Variants in SETD2 observed in about 807,000 individuals in gnomAD.
The protein encoded by SETD2 is SET domain containing 2, histone lysine methyltransferase, also known as histone-lysine N-methyltransferase SETD2.
Under a neutral mutation model 242.1 loss-of-function variants are expected in SETD2, and 31 were observed. The ratio of observed to expected loss-of-function variants is 0.13; its 90% CI spans 0.10 to 0.17. The LOEUF is 0.17. Among genes scored for constraint, SETD2 ranks in the 10% least tolerant of loss-of-function variants. The probability of loss-of-function intolerance (pLI) is 1.00; values close to 1 mark genes in which losing one functional copy is unlikely to be tolerated. For synonymous variants in SETD2, 1,006 were observed against 1,066.5 expected, an observed-to-expected ratio of 0.94 and a Z score of 1.11; for missense variants, 2,481 against 3,046.3, an observed-to-expected ratio of 0.81 and a Z score of 4.37.
intron 8 of SETD2, 37 bp from the exon 9 acceptor site, chr3:47,098,118 G>A (rs2107675150): frequency 6.2e-7 from 1 of 1,610,098 alleles, no homozygotes; most frequent in Non-Finnish European, 8.5e-7. Context: ...CAGCTATGTG[G>A]AAGTAAACCA....
Position 47,113,809 on chromosome 3 carries a change from A to C in SETD2, c.4715+67T>G, listed in dbSNP as rs2107717775. ...AGCCAAGATCGTGCCACTGCACTCC[A>C]GTCTGGGTGAAAGAGTGAGACCTTG... On this transcript the variant is annotated intron_variant, in intron 5 of 20. Coordinates refer to ENST00000409792, the MANE Select transcript of SETD2 (RefSeq NM_014159.7). 2.0e-6 allele frequency: 3 copies of C among 1,522,734 alleles called. No individual in the cohort carries two copies. In the South Asian group the frequency reaches 3.7e-5, roughly 19 times the overall value. The allele number at this position is 1,522,734 out of a possible 1,614,324, so 94.3% of individuals were successfully genotyped here. A position where few individuals can be genotyped will look rare whatever the true frequency, so the allele number is the denominator to read the frequency against.
Position 47,122,754 on chromosome 3 carries a change from T to C in SETD2, c.1882A>G (p.Lys628Glu). ...SNRLNDSPTLKKLDELPIFKS... is the reference protein window; with the variant it reads ...SNRLNDSPTLEKLDELPIFKS... ...AAAATAGGCAATTCATCTAGCTTTT[T>C]TAAAGTAGGTGAATCATTTAATCGA... is the stretch of plus-strand genomic sequence containing the variant. The change falls in exon 3 of 21, where the codon AAA (lysine) becomes GAA (glutamate). Residue 628 changes from lysine (K) to glutamate (E), a missense_variant. This residue lies in a region of SETD2 where 1,300 missense variants were observed against 1,259.2 expected (regional missense o/e 1.03). Coordinates refer to ENST00000409792, the MANE Select transcript of SETD2 (RefSeq NM_014159.7). 6.2e-7 allele frequency: 1 copy of C among 1,610,738 alleles called. No homozygotes were observed. The highest frequency in any genetic ancestry group is 8.5e-7 in the Non-Finnish European group (1 of 1,178,948).
intron 18 of SETD2, among the ~76,000 whole-genome samples, chr3:47,024,631 G>A (rs982210877): frequency 2.6e-5 from 4 of 152,188 alleles, no homozygotes; most frequent in Non-Finnish European, 5.9e-5. Flanking sequence ...CAGCCTGGGC[G>A]ACAGAGCAAG....
At chr3:47,059,493 C>T (rs1168824287) in intron 14 of SETD2, among the ~76,000 whole-genome samples, 1 of 150,948 alleles carries the variant, frequency 6.6e-6, no homozygotes, top group Admixed American at 6.6e-5. Context: ...AATCTCAGCT[C>T]ACTGCAACCT....
At chr3:47,042,496 T>C (rs1320899458) in intron 17 of SETD2, 65 bp downstream of exon 17, 2 of 1,558,116 alleles carry the variant, frequency 1.3e-6, no homozygotes, top group South Asian at 1.1e-5. Flanking sequence ...AAAACTCCCC[T>C]TATAGTGGCA....
chr3:47,158,256 AT>A (rs2044170574), intron 1 of SETD2, among the ~76,000 whole-genome samples: 1 of 152,232 alleles, frequency 6.6e-6, no homozygotes, highest in Non-Finnish European at 1.5e-5. Flanking sequence ...AATCTAGTGG[AT>A]TTTGATATAA....
Position 47,017,045 on chromosome 3 carries a change from T to TAG in SETD2, c.*46_*47dup. On this transcript the variant is annotated 3_prime_UTR_variant, in exon 21 of 21. Coordinates refer to ENST00000409792, the MANE Select transcript of SETD2 (RefSeq NM_014159.7). The surrounding 1 kb of genome is among the most constrained non-coding windows in gnomAD (Gnocchi z 4.8). ...AAAGGCCCACAGGATTTCCTCTCCC[T>TAG]AGAGTCTGTCTTACCTGACCACCCA... The TAG allele has an allele frequency of 6.3e-7, 1 of 1,585,808 alleles. No individual in the cohort carries two copies. The highest frequency in any genetic ancestry group is 1.7e-5 in the Admixed American group (1 of 59,750).
chr3:47,156,089 C>T (rs1406060041), intron 1 of SETD2, among the ~76,000 whole-genome samples: 1 of 152,118 alleles, frequency 6.6e-6, no homozygotes, highest in African/African-American at 2.4e-5. Context: ...TTCAGAGAGG[C>T]TCCAGCAGAG....
intron 14 of SETD2, among the ~76,000 whole-genome samples, chr3:47,059,981 C>T (rs1415439898): frequency 6.6e-6 from 1 of 152,122 alleles, no homozygotes; most frequent in African/African-American, 2.4e-5. Flanking sequence ...GACGGGGTTT[C>T]ACCATGTTGA....
At chr3:47,055,875 TGGTGGTG>T (rs1244074226) in intron 15 of SETD2, among the ~76,000 whole-genome samples, 3 of 149,758 alleles carry the variant, frequency 2.0e-5, no homozygotes, top group African/African-American at 7.4e-5. Flanking sequence ...TAGCCAGGCG[TGGTGGTG>T]GGCGCCTGTA....
At chr3:47,142,445 G>T (rs1458202237) in intron 1 of SETD2, among the ~76,000 whole-genome samples, 3 of 151,994 alleles carry the variant, frequency 2.0e-5, no homozygotes, top group Non-Finnish European at 4.4e-5. Context: ...AGAGGCCAAG[G>T]GTGCAGTGAG....
chr3:47,100,573 A>T (rs545656288), intron 8 of SETD2, among the ~76,000 whole-genome samples: 3 of 152,130 alleles, frequency 2.0e-5, no homozygotes, highest in Non-Finnish European at 4.4e-5. Flanking sequence ...ATTTTTAAGT[A>T]GTCATTAGAA....
intron 18 of SETD2, among the ~76,000 whole-genome samples, chr3:47,026,029 T>C (rs2038460293): frequency 6.6e-6 from 1 of 152,120 alleles, no homozygotes; most frequent in Non-Finnish European, 1.5e-5. Context: ...ACCTACAGAA[T>C]GGGAGAAAAT....
At chr3:47,102,681 C>T (rs1443935678) in intron 7 of SETD2, among the ~76,000 whole-genome samples, 1 of 148,624 alleles carries the variant, frequency 6.7e-6, no homozygotes, top group Non-Finnish European at 1.5e-5. Flanking sequence ...GTAATCCCAG[C>T]TACTTGGGAG....
intron 2 of SETD2, among the ~76,000 whole-genome samples, chr3:47,125,332 A>G (rs2043286743): frequency 1.1e-5 from 1 of 90,752 alleles, no homozygotes; most frequent in Admixed American, 1.1e-4. Flanking sequence ...AAAATAAAAA[A>G]TTTAAAAATT....
chr3:47,048,524 GTAGACTA>G (rs1251303852), intron 15 of SETD2, among the ~76,000 whole-genome samples: 1 of 152,130 alleles, frequency 6.6e-6, no homozygotes, highest in Non-Finnish European at 1.5e-5. Flanking sequence ...GTACACTACT[GTAGACTA>G]TAAACACTTG....
In SETD2 at chr3:47,083,914, C is replaced by T; in HGVS notation, c.5866G>A (p.Ala1956Thr). The change falls in exon 12 of 21, where the codon GCT becomes ACT. Residue 1956 changes from alanine (A) to threonine (T), a missense_variant. Coordinates refer to ENST00000409792, the MANE Select transcript of SETD2 (RefSeq NM_014159.7). ...TCTTTGGGCTCTATTTCAGCGTCAG[C>T]TTCTGGTTCAGATGTAGGTAGCTTA... ...ASKLPTSEPE[A>T]DAEIEPKESN... The T allele has an allele frequency of 6.2e-7, 1 of 1,614,148 alleles. No individual in the cohort carries two copies. Among genetic ancestry groups the T allele is most frequent in the Non-Finnish European group, 8.5e-7 (1 of 1,180,024 alleles).
In SETD2 at chr3:47,163,741, C is replaced by G. The variant is rs577015988; in HGVS notation, c.71+113G>C. 8.0e-5 allele frequency: 87 copies of G among 1,091,740 alleles called. No homozygotes were observed. In the East Asian group the frequency reaches 2.2e-3, roughly 28 times the overall value. The allele number at this position is 1,091,740 out of a possible 1,614,324, so 67.6% of individuals were successfully genotyped here. A position where few individuals can be genotyped will look rare whatever the true frequency, so the allele number is the denominator to read the frequency against. On this transcript the variant is annotated intron_variant, in intron 1 of 20. Coordinates refer to ENST00000409792, the MANE Select transcript of SETD2 (RefSeq NM_014159.7). The stretch of plus-strand genomic sequence containing the variant: ...CCCGACACCGACCGCGCGAGGCCAC[C>G]GTGGGCCTGTTACTCCTCGCGCCGG...
intron 15 of SETD2, among the ~76,000 whole-genome samples, chr3:47,051,855 AAT>A (rs1245857142): frequency 6.6e-6 from 1 of 152,208 alleles, no homozygotes; most frequent in Admixed American, 6.5e-5. Flanking sequence ...CATCAGTGAC[AAT>A]ATGTTCATGA....
Sources: gnomAD v4.1 joint callset for allele counts (sites outside exome capture counted in the v4.1 genomes callset) on GRCh38, gnomAD v4.1.1 for gene constraint, gnomAD v4.1.1 regional missense constraint, Gnocchi (gnomAD v3.1) non-coding constraint, MANE v1.5 for transcripts, NCBI Gene and HGNC (gene_info 2026-07-23, HGNC 2026-07-21) for gene names.